GPC6: variants seen among roughly 807,000 people sequenced by gnomAD.
GPC6 encodes glypican-6.
In GPC6, 14 loss-of-function variants were observed where a neutral mutation model predicts 55.2. That is an observed-to-expected ratio of 0.25 (90% confidence interval 0.17 to 0.40). The LOEUF (loss-of-function observed/expected upper bound fraction) is 0.40, where lower values mean the gene tolerates loss of function less well. Among genes scored for constraint, GPC6 ranks in the 10% least tolerant of loss-of-function variants. The probability of loss-of-function intolerance (pLI) is 1.00; values close to 1 mark genes in which losing one functional copy is unlikely to be tolerated. For synonymous variants in GPC6, 278 were observed against 259.6 expected, an observed-to-expected ratio of 1.07 and a Z score of -0.68; for missense variants, 641 against 708.5, an observed-to-expected ratio of 0.90 and a Z score of 1.08.
At chr13:93,412,054 T>C (rs1876521194) in intron 1 of GPC6, among the ~76,000 whole-genome samples, 1 of 151,990 alleles carries the variant, frequency 6.6e-6, no homozygotes, top group African/African-American at 2.4e-5. Context: ...ATTCTCTCCA[T>C]TATTCAAACA....
intron 3 of GPC6, among the ~76,000 whole-genome samples, chr13:93,909,338 C>T (rs1876840951): frequency 6.6e-6 from 1 of 152,020 alleles, no homozygotes; most frequent in South Asian, 2.1e-4. Flanking sequence ...TGAGTTATAT[C>T]ATTTTCGTGA....
intron 2 of GPC6, among the ~76,000 whole-genome samples, chr13:93,577,000 A>G (rs973520875): frequency 2.6e-5 from 4 of 152,140 alleles, no homozygotes; most frequent in Non-Finnish European, 5.9e-5. Flanking sequence ...TGCTACCCAT[A>G]AACTTTTGGT....
intron 2 of GPC6, among the ~76,000 whole-genome samples, chr13:93,571,228 A>G (rs937894370): frequency 6.6e-6 from 1 of 152,062 alleles, no homozygotes; most frequent in Non-Finnish European, 1.5e-5. Flanking sequence ...CCTAGCTCTC[A>G]ATGCGCAAAC....
intron 1 of GPC6, among the ~76,000 whole-genome samples, chr13:93,366,366 A>G (rs1881247945): frequency 6.6e-6 from 1 of 152,132 alleles, no homozygotes; most frequent in African/African-American, 2.4e-5. Flanking sequence ...GTCATCAACA[A>G]TGACATTTCC....
rs1163779876 is a variant in GPC6, at chr13:93,349,163, C to T, written c.160+121547C>T. ...GGTCATATCTAATGTGCACTGATAA[C>T]TGCTCTCAAATTAGGAACTCATTTG... On this transcript the variant is annotated intron_variant, in intron 1 of 8. Coordinates refer to ENST00000377047, the MANE Select transcript of GPC6 (RefSeq NM_005708.5). Among the ~76,000 whole-genome samples, 3 of 152,168 alleles carry T rather than the reference C, an allele frequency of 2.0e-5. No homozygotes were observed. The East Asian group carries it at 5.8e-4, about 29-fold the overall frequency.
chr13:93,905,077 C>CT (rs11308770), intron 3 of GPC6, among the ~76,000 whole-genome samples: 27,856 of 133,622 alleles, frequency 0.21, 3,385 homozygotes, highest in Non-Finnish European at 0.27. Flanking sequence ...AGCATTCTCT[C>CT]TTTTTTTTTT....
chr13:93,537,470 CAAT>C (rs1422687767), intron 1 of GPC6, among the ~76,000 whole-genome samples: 1 of 152,032 alleles, frequency 6.6e-6, no homozygotes, highest in African/African-American at 2.4e-5. Flanking sequence ...TTATCAATTC[CAAT>C]AATAATTAGA....
chr13:93,444,456 A>C (rs1877923166), intron 1 of GPC6, among the ~76,000 whole-genome samples: 1 of 152,072 alleles, frequency 6.6e-6, no homozygotes, highest in African/African-American at 2.4e-5. Context: ...AAAATACAAA[A>C]ATTAGCCGGG....
chr13:93,586,730 A>G lies in GPC6; in HGVS notation c.319+41309A>G, dbSNP rs560654855. Among the ~76,000 whole-genome samples, 436 of 152,286 alleles carry G rather than the reference A, an allele frequency of 2.9e-3. 3 individuals carry two copies. The highest frequency in any genetic ancestry group is 0.01 in the African/African-American group (419 of 41,558). ...ACAGTAATTTCCAGGCTGCAAGACT[A>G]AAAACGTTTTGAAATTGCCAAGACC... On this transcript the variant is annotated intron_variant, in intron 2 of 8. Coordinates refer to ENST00000377047, the MANE Select transcript of GPC6 (RefSeq NM_005708.5).
intron 6 of GPC6, among the ~76,000 whole-genome samples, chr13:94,369,794 G>T (rs896997774): frequency 1.3e-5 from 2 of 151,924 alleles, no homozygotes; most frequent in Non-Finnish European, 2.9e-5. Flanking sequence ...GAGTTTTGGT[G>T]TTTTTTTGTT....
At chr13:93,283,446 G>A (rs1397531778) in intron 1 of GPC6, among the ~76,000 whole-genome samples, 3 of 152,274 alleles carry the variant, frequency 2.0e-5, no homozygotes, top group South Asian at 2.1e-4. Flanking sequence ...TAATTCATTA[G>A]GGAGTTAACA....
At chr13:93,999,156 T>G (rs1881687694) in intron 3 of GPC6, among the ~76,000 whole-genome samples, 1 of 152,154 alleles carries the variant, frequency 6.6e-6, no homozygotes, top group South Asian at 2.1e-4. Flanking sequence ...CATTAGGTAT[T>G]TCTCCAAATG....
intron 2 of GPC6, among the ~76,000 whole-genome samples, chr13:93,716,018 A>G (rs1883242622): frequency 6.6e-6 from 1 of 151,626 alleles, no homozygotes; most frequent in South Asian, 2.1e-4. Context: ...AAAAGAGCTG[A>G]AACTTTCGTA....
At chr13:94,338,065 T>G (rs1877812591) in intron 6 of GPC6, among the ~76,000 whole-genome samples, 1 of 152,254 alleles carries the variant, frequency 6.6e-6, no homozygotes, top group African/African-American at 2.4e-5. Flanking sequence ...TGCAGTGGAT[T>G]TCTTTCCGTG....
intron 4 of GPC6, among the ~76,000 whole-genome samples, chr13:94,215,707 A>G (rs1215770347): frequency 6.6e-6 from 1 of 152,158 alleles, no homozygotes; most frequent in African/African-American, 2.4e-5. Context: ...CATTGAAGGG[A>G]AAAAAATCTG....
intron 2 of GPC6, among the ~76,000 whole-genome samples, chr13:93,764,595 CACACA>C (rs1885053455): frequency 1.3e-5 from 2 of 150,904 alleles, no homozygotes; most frequent in African/African-American, 4.9e-5. Context: ...CACACACACA[CACACA>C]CACACACACA....
intron 7 of GPC6, among the ~76,000 whole-genome samples, chr13:94,386,124 C>T (rs1328354442): frequency 1.3e-5 from 2 of 150,244 alleles, no homozygotes; most frequent in African/African-American, 2.5e-5. Context: ...CTTTGGGAGG[C>T]CAAGGCGGGC....
At chr13:93,798,134 T>C (rs1886259024) in intron 2 of GPC6, among the ~76,000 whole-genome samples, 1 of 152,134 alleles carries the variant, frequency 6.6e-6, no homozygotes, top group Non-Finnish European at 1.5e-5. Flanking sequence ...AACTTAGTAA[T>C]GGCAAGGTCT....
intron 1 of GPC6, among the ~76,000 whole-genome samples, chr13:93,499,274 C>T (rs775107961): frequency 9.9e-5 from 15 of 152,178 alleles, no homozygotes; most frequent in Non-Finnish European, 1.6e-4. Context: ...TTTGTTTCCA[C>T]ATCTGCTTAG....
Sources: gnomAD v4.1 joint callset for allele counts (sites outside exome capture counted in the v4.1 genomes callset) on GRCh38, gnomAD v4.1.1 for gene constraint, MANE v1.5 for transcripts, NCBI Gene and HGNC (gene_info 2026-07-23, HGNC 2026-07-21) for gene names.